The following BCAT1 variants were observed in gnomAD, a reference collection of about 807,000 sequenced individuals.
The protein encoded by BCAT1 is branched-chain-amino-acid aminotransferase, cytosolic.
BCAT1 carries 48 observed loss-of-function variants against 52.4 expected under a neutral mutation model. The ratio of observed to expected loss-of-function variants is 0.92; its 90% confidence interval spans 0.73 to 1.16. The LOEUF is 1.16. Ranked by LOEUF, BCAT1 falls within the 50% of genes most tolerant of loss-of-function variation. The pLI, the probability that BCAT1 is intolerant of heterozygous loss-of-function variation, is 0.00. For missense variants in BCAT1, 451 were observed against 457.1 expected (o/e 0.99, Z 0.12); for synonymous variants, 167 against 161.3 (o/e 1.04, Z -0.27).
At chr12:24,858,178 A>C (rs1209595750) in intron 5 of BCAT1, among the ~76,000 whole-genome samples, 1 of 152,206 alleles carries the variant, frequency 6.6e-6, no homozygotes, top group African/African-American at 2.4e-5. Flanking sequence ...TAAGATTCTT[A>C]AAAGCTGGCA....
In BCAT1 at chr12:24,849,789, C is replaced by G; in HGVS notation, c.671G>C (p.Gly224Ala). 1 of 1,605,964 alleles carries G rather than the reference C, an allele frequency of 6.2e-7. No homozygotes were observed. Among genetic ancestry groups the G allele is most frequent in the Non-Finnish European group, 8.5e-7 (1 of 1,174,276 alleles). The change falls in exon 6 of 11, where the codon GGA becomes GCA. Residue 224 changes from glycine to alanine, a missense_variant. Gly to Ala is a moderately conservative substitution (Grantham distance 60). Transcript: ENST00000261192. ...ACAGAGACACAGATTTACTTACCCTCCCATCTTGCAGTCCCCAGTTCCACC... is the reference window on the plus strand; with the variant it reads ...ACAGAGACACAGATTTACTTACCCTGCCATCTTGCAGTCCCCAGTTCCACC... ...WKGGTGDCKM[G>A]GNYGSSLFAQ...
chr12:24,850,893 T>A (rs978154642), intron 5 of BCAT1, among the ~76,000 whole-genome samples: 30 of 152,178 alleles, frequency 2.0e-4, no homozygotes, highest in African/African-American at 7.2e-4. Context: ...CAGCTGAAGT[T>A]TTTTTATTTA....
chr12:24,934,996 T>C, intron 1 of BCAT1, among the ~76,000 whole-genome samples: 1 of 151,940 alleles, frequency 6.6e-6, no homozygotes, highest in Non-Finnish European at 1.5e-5. Flanking sequence ...TTCTTCTTCT[T>C]CTCTCTCTCT....
At chr12:24,891,753 TG>T (rs1942844222) in intron 3 of BCAT1, among the ~76,000 whole-genome samples, 2 of 150,760 alleles carry the variant, frequency 1.3e-5, no homozygotes, top group South Asian at 2.1e-4. Flanking sequence ...AAGAGGTTTT[TG>T]TTTTTTTTTT....
chr12:24,907,085 C>A (rs1943237826), intron 1 of BCAT1, among the ~76,000 whole-genome samples: 1 of 152,242 alleles, frequency 6.6e-6, no homozygotes, highest in African/African-American at 2.4e-5. Flanking sequence ...CTCCAGCTCA[C>A]CTTTTGCTAG....
intron 1 of BCAT1, chr12:24,903,263 C>G (rs926071258): frequency 6.4e-5 from 32 of 500,474 alleles, no homozygotes; most frequent in Non-Finnish European, 4.9e-5. Flanking sequence ...TGCGGAGGCC[C>G]GAGAATGCGC....
chr12:24,910,983 A>G (rs1342917805), intron 1 of BCAT1, among the ~76,000 whole-genome samples: 1 of 152,154 alleles, frequency 6.6e-6, no homozygotes, highest in Admixed American at 6.5e-5. Context: ...GAGTGCCTGT[A>G]AACCCAGCTA....
At chr12:24,825,897 G>A (rs1598103870) in intron 10 of BCAT1, among the ~76,000 whole-genome samples, 1 of 152,096 alleles carries the variant, frequency 6.6e-6, no homozygotes, top group South Asian at 2.1e-4. Flanking sequence ...GATAGCCTAT[G>A]CTTTTTCAGG....
intron 1 of BCAT1, among the ~76,000 whole-genome samples, chr12:24,942,694 G>A (rs923133624): frequency 1.3e-5 from 2 of 152,158 alleles, no homozygotes; most frequent in African/African-American, 4.8e-5. Flanking sequence ...TATCTAAGTG[G>A]GAAGTAGGAA....
intron 5 of BCAT1, among the ~76,000 whole-genome samples, chr12:24,861,838 A>G (rs1305723990): frequency 1.3e-5 from 2 of 152,228 alleles, no homozygotes; most frequent in Admixed American, 6.5e-5. Flanking sequence ...GAACCCACTG[A>G]AAAAACAGGA....
intron 5 of BCAT1, among the ~76,000 whole-genome samples, chr12:24,862,778 AG>A (rs1420426698): frequency 1.1e-4 from 17 of 152,234 alleles, no homozygotes; most frequent in African/African-American, 3.6e-4. Flanking sequence ...TAGGACTGCC[AG>A]AACTAGAGGA....
intron 1 of BCAT1, among the ~76,000 whole-genome samples, chr12:24,912,377 G>T (rs956744262): frequency 6.6e-6 from 1 of 152,028 alleles, no homozygotes; most frequent in African/African-American, 2.4e-5. Context: ...AAAATTAGCC[G>T]GGCGTAGTGG....
Position 24,884,279 on chromosome 12 carries a change from T to C in BCAT1, c.280-2868A>G, listed in dbSNP as rs530888915. The stretch of plus-strand genomic sequence containing the variant: ...CAAATACTGCACGATTTCACTCATA[T>C]GTGGACTGAAAAAGTCAAACTAATG... On this transcript the variant is annotated intron_variant, in intron 3 of 10. Coordinates refer to ENST00000261192, the MANE Select transcript of BCAT1 (RefSeq NM_005504.7). Among the ~76,000 whole-genome samples the C allele has an allele frequency of 1.6e-4, 24 of 152,310 alleles. No individual in the cohort carries two copies. In the South Asian group the frequency reaches 4.8e-3, roughly 30 times the overall value.
chr12:24,893,916 A>C (rs778310019), intron 3 of BCAT1, among the ~76,000 whole-genome samples: 3 of 152,220 alleles, frequency 2.0e-5, no homozygotes, highest in Non-Finnish European at 1.5e-5. Flanking sequence ...ATCAAATCAT[A>C]ATATTGTTCT....
intron 2 of BCAT1, among the ~76,000 whole-genome samples, chr12:24,899,464 T>C (rs1591855310): frequency 6.7e-6 from 1 of 150,046 alleles, no homozygotes; most frequent in East Asian, 1.9e-4. Flanking sequence ...CTGTGGAAAA[T>C]GGTATGAAGC....
At chr12:24,856,297 T>C (rs1941680291) in intron 5 of BCAT1, among the ~76,000 whole-genome samples, 1 of 152,134 alleles carries the variant, frequency 6.6e-6, no homozygotes, top group South Asian at 2.1e-4. Context: ...ACCCCTTCCA[T>C]TGCTCCTCAC....
chr12:24,828,657 A>G (rs1323225384), intron 10 of BCAT1, among the ~76,000 whole-genome samples: 1 of 152,230 alleles, frequency 6.6e-6, no homozygotes, highest in Non-Finnish European at 1.5e-5. Flanking sequence ...GTGAAAAAAC[A>G]TGTAACAAAA....
At chr12:24,853,972 T>C (rs550509273) in intron 5 of BCAT1, among the ~76,000 whole-genome samples, 1 of 152,304 alleles carries the variant, frequency 6.6e-6, no homozygotes, top group East Asian at 1.9e-4. Flanking sequence ...GAAGCTGAAA[T>C]GATGATGTGT....
At chr12:24,850,013 G>T in intron 5 of BCAT1, 64 bp from the exon 6 acceptor site, 1 of 1,383,232 alleles carries the variant, frequency 7.2e-7, no homozygotes, top group Non-Finnish European at 9.7e-7. Flanking sequence ...TTAAAGTCTA[G>T]AATAGATTTA....
Sources: allele counts gnomAD v4.1 joint callset (sites outside exome capture counted in the v4.1 genomes callset), GRCh38; gene constraint gnomAD v4.1.1; transcripts MANE v1.5; gene names NCBI Gene and HGNC (gene_info 2026-07-23, HGNC 2026-07-21).